The following NEGR1 variants were observed in gnomAD, a reference collection of about 807,000 sequenced individuals.
The protein encoded by NEGR1 is IgLON family member 4.
NEGR1 carries 10 observed loss-of-function variants against 40.9 expected under a neutral mutation model. That is an observed-to-expected ratio of 0.24 (90% confidence interval 0.15 to 0.42). The LOEUF is 0.42. NEGR1 is among the 10% of genes least tolerant of loss of function. The pLI is 1.00. For missense variants in NEGR1, 352 were observed against 438.9 expected, an observed-to-expected ratio of 0.80 and a Z score of 1.77; for synonymous variants, 185 against 166.8, an observed-to-expected ratio of 1.11 and a Z score of -0.84.
chr1:72,220,271 C>T (rs559721645), intron 1 of NEGR1, among the ~76,000 whole-genome samples: 26 of 151,928 alleles, frequency 1.7e-4, no homozygotes, highest in African/African-American at 6.3e-4. Context: ...TCTCTCTCTC[C>T]CCCTTTTTAT....
intron 1 of NEGR1, among the ~76,000 whole-genome samples, chr1:72,146,182 C>G (rs1396748932): frequency 2.6e-5 from 4 of 152,134 alleles, no homozygotes; most frequent in Non-Finnish European, 5.9e-5. Context: ...AAGTTAAAAT[C>G]TGAAATGCCC....
chr1:71,565,757 G>A (rs1648598427), intron 6 of NEGR1, among the ~76,000 whole-genome samples: 1 of 152,120 alleles, frequency 6.6e-6, no homozygotes, highest in Non-Finnish European at 1.5e-5. Flanking sequence ...GGGCATCAGT[G>A]GAACCAGACT....
intron 6 of NEGR1, among the ~76,000 whole-genome samples, chr1:71,411,851 A>T (rs996358538): frequency 6.6e-6 from 1 of 152,120 alleles, no homozygotes; most frequent in Non-Finnish European, 1.5e-5. Context: ...AATACAAAAA[A>T]ATAGCTGGGC....
intron 6 of NEGR1, among the ~76,000 whole-genome samples, chr1:71,527,461 G>A (rs1647232839): frequency 6.6e-6 from 1 of 150,702 alleles, no homozygotes; most frequent in South Asian, 2.1e-4. Flanking sequence ...GGGTAATCAG[G>A]CATATGCATC....
chr1:71,918,560 G>T (rs541567967), intron 2 of NEGR1, among the ~76,000 whole-genome samples: 2 of 152,196 alleles, frequency 1.3e-5, no homozygotes, highest in South Asian at 4.1e-4. Flanking sequence ...CAGACTTAAA[G>T]TAACTATTCC....
intron 1 of NEGR1, among the ~76,000 whole-genome samples, chr1:72,013,266 C>T (rs1347334641): frequency 6.6e-6 from 1 of 152,044 alleles, no homozygotes; most frequent in Non-Finnish European, 1.5e-5. Context: ...ACATTCCTCA[C>T]TCTTCTGTTC....
chr1:71,686,374 G>GT (rs1653036879), intron 4 of NEGR1, among the ~76,000 whole-genome samples: 1 of 152,106 alleles, frequency 6.6e-6, no homozygotes, highest in Non-Finnish European at 1.5e-5. Flanking sequence ...GTGAAAGGGG[G>GT]TAGGGGTAGG....
At chr1:71,875,136 T>G (rs568883089) in intron 2 of NEGR1, among the ~76,000 whole-genome samples, 1 of 152,282 alleles carries the variant, frequency 6.6e-6, no homozygotes, top group South Asian at 2.1e-4. Flanking sequence ...TTTCAGCCAC[T>G]GTGCCTGGCC....
At chr1:71,741,493 C>T (rs1006115980) in intron 3 of NEGR1, among the ~76,000 whole-genome samples, 2 of 152,126 alleles carry the variant, frequency 1.3e-5, no homozygotes, top group African/African-American at 4.8e-5. Context: ...ATTAATCTCT[C>T]CAAATATCCA....
chr1:71,989,213 T>G (rs561359405), intron 1 of NEGR1, among the ~76,000 whole-genome samples: 15 of 152,160 alleles, frequency 9.9e-5, no homozygotes, highest in Non-Finnish European at 1.9e-4. Context: ...CCTGCAGGAG[T>G]GTACACAGAG....
At chr1:71,902,472 G>A (rs1661167670) in intron 2 of NEGR1, among the ~76,000 whole-genome samples, 2 of 152,070 alleles carry the variant, frequency 1.3e-5, no homozygotes, top group African/African-American at 4.8e-5. Context: ...TTTTTATGAG[G>A]AGTTAAAACC....
At chr1:72,018,246 C>T (rs1646728915) in intron 1 of NEGR1, among the ~76,000 whole-genome samples, 1 of 152,106 alleles carries the variant, frequency 6.6e-6, no homozygotes, top group South Asian at 2.1e-4. Flanking sequence ...CAGATATTTT[C>T]CTAAGGACTA....
chr1:71,759,471 G>C (rs868112142), intron 3 of NEGR1, among the ~76,000 whole-genome samples: 9 of 149,588 alleles, frequency 6.0e-5, no homozygotes, highest in South Asian at 2.1e-4. Context: ...CTAACTTTTT[G>C]TATTTTTAGT....
intron 1 of NEGR1, among the ~76,000 whole-genome samples, chr1:72,100,422 C>T (rs1474147374): frequency 6.6e-6 from 1 of 152,078 alleles, no homozygotes; most frequent in Admixed American, 6.6e-5. Context: ...TAAAAATGAA[C>T]CAGCAAAAGA....
intron 6 of NEGR1, among the ~76,000 whole-genome samples, chr1:71,582,401 T>C (rs1649169378): frequency 6.6e-6 from 1 of 152,186 alleles, no homozygotes; most frequent in African/African-American, 2.4e-5. Flanking sequence ...CAGACTATTA[T>C]TTTGCTTCAT....
At chr1:71,523,861 A>C (rs912440224) in intron 6 of NEGR1, among the ~76,000 whole-genome samples, 1 of 151,912 alleles carries the variant, frequency 6.6e-6, no homozygotes. Context: ...TTTGGACTAC[A>C]GGCATTATTT....
In NEGR1 at chr1:71,403,870, A is replaced by G; in HGVS notation, c.*3576T>C. On this transcript the variant is annotated 3_prime_UTR_variant, in exon 7 of 7. Transcript: ENST00000357731. The stretch of plus-strand genomic sequence containing the variant: ...AGTCTTTAAAGTAAATACATATTCA[A>G]AGAATCTTAAGGCATACCATTTATT... 2.6e-6 allele frequency: 1 copy of G among 383,234 alleles called. No individual in the cohort carries two copies. The highest frequency in any genetic ancestry group is 4.7e-6 in the Non-Finnish European group (1 of 214,910). 23.7% of individuals were successfully genotyped at this position (383,234 alleles called of 1,614,324 possible). A position where few individuals can be genotyped will look rare whatever the true frequency, so the allele number is the denominator to read the frequency against.
At chr1:72,127,797 G>A (rs1359776715) in intron 1 of NEGR1, among the ~76,000 whole-genome samples, 1 of 152,088 alleles carries the variant, frequency 6.6e-6, no homozygotes, top group Non-Finnish European at 1.5e-5. Flanking sequence ...TCTAAAAGGG[G>A]AAGCCAGTAT....
intron 3 of NEGR1, among the ~76,000 whole-genome samples, chr1:71,712,617 A>G (rs889693688): frequency 6.6e-6 from 1 of 152,184 alleles, no homozygotes; most frequent in Non-Finnish European, 1.5e-5. Context: ...TTCATAAAAA[A>G]TTATGTGAGG....
Sources: allele counts gnomAD v4.1 joint callset (sites outside exome capture counted in the v4.1 genomes callset), GRCh38; gene constraint gnomAD v4.1.1; transcripts MANE v1.5; gene names NCBI Gene and HGNC (gene_info 2026-07-23, HGNC 2026-07-21).